Variants in NEGR1 observed in about 807,000 individuals in gnomAD.
NEGR1 encodes IgLON family member 4.
NEGR1 carries 10 observed loss-of-function variants against 40.9 expected under a neutral mutation model. The observed-to-expected ratio is 0.24, with a 90% CI of 0.15 to 0.42. NEGR1 has a LOEUF of 0.42. Among genes scored for constraint, NEGR1 ranks in the 10% least tolerant of loss-of-function variants. The pLI is 1.00. For synonymous variants in NEGR1, 185 were observed against 166.8 expected (o/e 1.11, Z -0.84); for missense variants, 352 against 438.9 (o/e 0.80, Z 1.77).
At chr1:72,271,408 G>C (rs1259544834) in intron 1 of NEGR1, among the ~76,000 whole-genome samples, 1 of 151,696 alleles carries the variant, frequency 6.6e-6, no homozygotes, top group Non-Finnish European at 1.5e-5. Flanking sequence ...GGGAAGAAAG[G>C]TTATTTTCAT....
rs576498623 is a variant in NEGR1 at position 71,895,921 on chromosome 1, G to A, written c.409+39158C>T. On this transcript the variant is annotated intron_variant, in intron 2 of 6. Coordinates refer to ENST00000357731, the MANE Select transcript of NEGR1 (RefSeq NM_173808.3). The stretch of plus-strand genomic sequence containing the variant: ...TATATATCAAGGTACCAGTTTCTCC[G>A]CCTTTTTGCTAACACCTCTTATTAT... 9.2e-5 allele frequency among the ~76,000 whole-genome samples: 14 copies of A among 151,810 alleles called. No individual in the cohort carries two copies. In the South Asian group the frequency reaches 2.5e-3, roughly 27 times the overall value.
At chr1:71,442,738 G>T (rs1255386432) in intron 6 of NEGR1, among the ~76,000 whole-genome samples, 2 of 152,204 alleles carry the variant, frequency 1.3e-5, no homozygotes, top group African/African-American at 4.8e-5. Flanking sequence ...TGTTGAAAAA[G>T]CTTAAGACAA....
At chr1:72,036,566 G>T (rs1437585222) in intron 1 of NEGR1, among the ~76,000 whole-genome samples, 1 of 150,408 alleles carries the variant, frequency 6.6e-6, no homozygotes, top group Admixed American at 6.7e-5. Flanking sequence ...TGAGGCAGAA[G>T]AATCTCTTGA....
At chr1:71,946,358 C>G (rs1338398822) in intron 1 of NEGR1, among the ~76,000 whole-genome samples, 1 of 151,974 alleles carries the variant, frequency 6.6e-6, no homozygotes, top group Non-Finnish European at 1.5e-5. Context: ...TTATGTACAC[C>G]TTTGAACTCT....
At chr1:71,850,710 GA>G (rs538509353) in intron 2 of NEGR1, among the ~76,000 whole-genome samples, 4,350 of 152,114 alleles carry the variant, frequency 0.029, 111 homozygotes, top group Non-Finnish European at 0.04. Flanking sequence ...CAGTTAAGTG[GA>G]AAAGATTTGG....
At chr1:71,531,883 G>T (rs959625540) in intron 6 of NEGR1, among the ~76,000 whole-genome samples, 1 of 150,976 alleles carries the variant, frequency 6.6e-6, no homozygotes, top group Non-Finnish European at 1.5e-5. Context: ...GCAATTTAAA[G>T]CATTTTTGAT....
At chr1:72,162,481 C>A (rs562207223) in intron 1 of NEGR1, among the ~76,000 whole-genome samples, 233 of 151,842 alleles carry the variant, frequency 1.5e-3, no homozygotes, top group Middle Eastern at 3.4e-3. Context: ...AACAAACAAA[C>A]AAAAGAAAAA....
rs535285982 is a variant in NEGR1, at chr1:71,845,822, C to T, written c.410-69525G>A. 9.2e-5 allele frequency among the ~76,000 whole-genome samples: 14 copies of T among 151,982 alleles called. No homozygotes were observed. In the South Asian group the frequency reaches 2.5e-3, roughly 27 times the overall value. On this transcript the variant is annotated intron_variant, in intron 2 of 6. Transcript: ENST00000357731. ...TCACTCATGCTGAAGTGCAATGGCA[C>T]GATCACAGCTCACTGCAGCCTCAAA...
At chr1:71,656,765 T>A (rs1042679595) in intron 4 of NEGR1, among the ~76,000 whole-genome samples, 7 of 152,338 alleles carry the variant, frequency 4.6e-5, no homozygotes, top group African/African-American at 1.7e-4. Flanking sequence ...CAAGGGGAAC[T>A]CTCCTCATAA....
chr1:72,238,619 A>G (rs1654638093), intron 1 of NEGR1, among the ~76,000 whole-genome samples: 1 of 151,846 alleles, frequency 6.6e-6, no homozygotes. Flanking sequence ...TCAACCTGGC[A>G]CTGGAAATCT....
At chr1:71,548,423 G>T (rs1417654614) in intron 6 of NEGR1, among the ~76,000 whole-genome samples, 1 of 151,532 alleles carries the variant, frequency 6.6e-6, no homozygotes, top group Non-Finnish European at 1.5e-5. Flanking sequence ...TCTCTTAGAG[G>T]TTCAGTCCTG....
Position 71,609,514 on chromosome 1 carries a change from CAAAAAAAAAAAAAAAAAAAAAAAAA to C in NEGR1, c.788+1487_788+1511del, listed in dbSNP as rs61728217. ...TGGGCGACAAACCAAGACTCCGTCT[CAAAAAAAAAAAAAAAAAAAAAAAAA>C]AAAAAAAAAAAAAAAAAGAAATGAG... On this transcript the variant is annotated intron_variant, in intron 5 of 6. Coordinates refer to ENST00000357731, the MANE Select transcript of NEGR1 (RefSeq NM_173808.3). Among the ~76,000 whole-genome samples, 16 of 24,098 alleles carry C rather than the reference CAAAAAAAAAAAAAAAAAAAAAAAAA, an allele frequency of 6.6e-4. No individual in the cohort carries two copies. The Admixed American group carries it at 8.6e-3, about 13-fold the overall frequency. The allele number at this position is 24,098 out of a possible 152,430, so 15.8% of individuals were successfully genotyped here.
rs144720775 is a variant in NEGR1, at chr1:72,141,494, T to C, written c.176+140825A>G. Among the ~76,000 whole-genome samples the C allele has an allele frequency of 2.8e-3, 423 of 152,094 alleles. 2 individuals are homozygous for C. The highest frequency in any genetic ancestry group is 9.4e-3 in the African/African-American group (389 of 41,542). ...ATATTTGGAAGTTGGTTACTGTAAT[T>C]TGAATGAGTTATCATCTTCTTAAAA... On this transcript the variant is annotated intron_variant, in intron 1 of 6. Transcript: ENST00000357731.
chr1:72,213,190 G>C (rs567520970), intron 1 of NEGR1, among the ~76,000 whole-genome samples: 1 of 152,004 alleles, frequency 6.6e-6, no homozygotes, highest in African/African-American at 2.4e-5. Flanking sequence ...TATTGATATA[G>C]GAGCAGAAGA....
intron 1 of NEGR1, among the ~76,000 whole-genome samples, chr1:72,113,898 AG>A (rs373561769): frequency 5.3e-5 from 8 of 151,836 alleles, no homozygotes; most frequent in African/African-American, 1.9e-4. Context: ...TTTATCAATC[AG>A]GGCACTGTTG....
chr1:71,922,799 T>G (rs2101884543), intron 2 of NEGR1, among the ~76,000 whole-genome samples: 1 of 152,340 alleles, frequency 6.6e-6, no homozygotes, highest in East Asian at 1.9e-4. Flanking sequence ...TTTAGATTTT[T>G]ATAGCAAACC....
At chr1:72,112,807 T>C (rs1409568950) in intron 1 of NEGR1, among the ~76,000 whole-genome samples, 1 of 151,716 alleles carries the variant, frequency 6.6e-6, no homozygotes, top group Non-Finnish European at 1.5e-5. Context: ...TTGGCCATAG[T>C]ACAGGTTGTG....
intron 1 of NEGR1, among the ~76,000 whole-genome samples, chr1:72,027,178 G>A (rs144155599): frequency 0.014 from 2,111 of 152,096 alleles, 46 homozygotes; most frequent in African/African-American, 0.048. Context: ...CACCCGCTTC[G>A]GCCTCCCAAA....
chr1:72,094,926 G>A (rs1416827242), intron 1 of NEGR1, among the ~76,000 whole-genome samples: 1 of 152,050 alleles, frequency 6.6e-6, no homozygotes, highest in Non-Finnish European at 1.5e-5. Flanking sequence ...AAGGTTATAT[G>A]AGAAGGTAAT....
Sources: allele counts gnomAD v4.1 joint callset (sites outside exome capture counted in the v4.1 genomes callset), GRCh38; gene constraint gnomAD v4.1.1; transcripts MANE v1.5; gene names NCBI Gene and HGNC (gene_info 2026-07-23, HGNC 2026-07-21).